Variants in WRN observed in about 807,000 individuals in gnomAD.
WRN encodes the protein bifunctional 3'-5' exonuclease/ATP-dependent helicase WRN.
A neutral mutation model predicts 180.7 loss-of-function variants in WRN; 149 were observed. The ratio of observed to expected loss-of-function variants is 0.82; its 90% CI spans 0.72 to 0.94. The LOEUF is 0.94. Among genes scored for constraint, WRN ranks in the 40% least tolerant of loss-of-function variants. The pLI, the probability that WRN is intolerant of heterozygous loss-of-function variation, is 0.00. For missense variants in WRN, 1,661 were observed against 1,700.1 expected (o/e 0.98, Z 0.40); for synonymous variants, 548 against 568.9 (o/e 0.96, Z 0.52).
intron 18 of WRN, among the ~76,000 whole-genome samples, chr8:31,105,522 C>T (rs1175948839): frequency 2.6e-5 from 4 of 152,210 alleles, no homozygotes; most frequent in East Asian, 1.9e-4. Flanking sequence ...AGTGCAATGG[C>T]GTGAACTCAC....
At chr8:31,151,241 A>C (rs1415098508) in intron 31 of WRN, among the ~76,000 whole-genome samples, 1 of 152,236 alleles carries the variant, frequency 6.6e-6, no homozygotes, top group Non-Finnish European at 1.5e-5. Flanking sequence ...ATTAGAAAAT[A>C]GAAGACATGG....
chr8:31,093,754 T>A (rs1470326716), intron 16 of WRN, among the ~76,000 whole-genome samples: 1 of 152,206 alleles, frequency 6.6e-6, no homozygotes, highest in Non-Finnish European at 1.5e-5. Context: ...AAGTTTACCT[T>A]TTTGTTTTAA....
intron 5 of WRN, among the ~76,000 whole-genome samples, chr8:31,065,878 C>CT (rs1201740447): frequency 0.074 from 9,645 of 130,606 alleles, 433 homozygotes; most frequent in African/African-American, 0.12. Flanking sequence ...AGTTTCTTTT[C>CT]TTTTTTTTTT....
intron 18 of WRN, among the ~76,000 whole-genome samples, chr8:31,104,033 C>T (rs186793307): frequency 8.5e-4 from 129 of 152,332 alleles, no homozygotes; most frequent in African/African-American, 2.8e-3. Flanking sequence ...TGCGCCCGGC[C>T]TTCAGAGATT....
Position 31,120,227 on chromosome 8 carries a change from TG to T in WRN, c.2449-15del, listed in dbSNP as rs779130824. On this transcript the variant is annotated splice_polypyrimidine_tract_variant and intron_variant, in intron 20 of 34. Coordinates refer to ENST00000298139, the MANE Select transcript of WRN (RefSeq NM_000553.6). ...GCTAAATATGTTTGTCAAACTGTGT[TG>T]TGATTTGTTCTCAGTGTGTCATAGC... 156 of 1,612,222 alleles carry T rather than the reference TG, an allele frequency of 9.7e-5. 2 individuals carry two copies. In the South Asian group the frequency reaches 1.6e-3, roughly 16 times the overall value.
chr8:31,059,030 T>G (rs1812382327), intron 2 of WRN, 123 bp from the exon 3 acceptor site: 1 of 798,324 alleles, frequency 1.3e-6, no homozygotes, highest in East Asian at 2.6e-5. Flanking sequence ...CATTAGTTTA[T>G]AAAACATTAA....
chr8:31,094,041 C>T lies in WRN; in HGVS notation c.1898+2143C>T, dbSNP rs936304615. ...GATCGTTTCCAGTTTTGGGTTATTA[C>T]AAATAAAACTGCTATGAACATTCGT... On this transcript the variant is annotated intron_variant, in intron 16 of 34. Transcript: ENST00000298139. Among the ~76,000 whole-genome samples the T allele has an allele frequency of 3.3e-5, 5 of 152,252 alleles. No homozygotes were observed. In the South Asian group the frequency reaches 1.0e-3, roughly 32 times the overall value.
At chr8:31,127,749 CA>C (rs1290704295) in intron 23 of WRN, among the ~76,000 whole-genome samples, 1 of 151,602 alleles carries the variant, frequency 6.6e-6, no homozygotes, top group Non-Finnish European at 1.5e-5. Context: ...TGTGTCTCTA[CA>C]AAAATAAAAA....
At chr8:31,062,742 A>C (rs1812536555) in intron 3 of WRN, among the ~76,000 whole-genome samples, 1 of 152,176 alleles carries the variant, frequency 6.6e-6, no homozygotes, top group Admixed American at 6.5e-5. Context: ...TTAAGAAATG[A>C]AACAGTAAAA....
chr8:31,172,042 CA>C (rs1804118648), intron 34 of WRN, among the ~76,000 whole-genome samples: 2 of 152,078 alleles, frequency 1.3e-5, no homozygotes, highest in South Asian at 4.1e-4. Flanking sequence ...TCTGAGATAA[CA>C]TAAGTGTATG....
chr8:31,090,673 A>G, intron 14 of WRN, 141 bp downstream of exon 14: 2 of 1,071,244 alleles, frequency 1.9e-6, no homozygotes, highest in Non-Finnish European at 1.4e-6. Flanking sequence ...AACAAAGAAC[A>G]GATGCTCAGA....
At chr8:31,114,538 G>A (rs1760706916) in intron 19 of WRN, among the ~76,000 whole-genome samples, 1 of 152,088 alleles carries the variant, frequency 6.6e-6, no homozygotes, top group Non-Finnish European at 1.5e-5. Context: ...AGAGTGATAT[G>A]TAGTCAATAT....
intron 8 of WRN, among the ~76,000 whole-genome samples, chr8:31,080,171 G>A (rs1160768088): frequency 1.3e-5 from 2 of 152,134 alleles, no homozygotes; most frequent in East Asian, 1.9e-4. Flanking sequence ...ATGAACCACC[G>A]TGCCCGCCCC....
intron 28 of WRN, among the ~76,000 whole-genome samples, chr8:31,145,098 G>A (rs957980165): frequency 6.6e-6 from 1 of 152,226 alleles, no homozygotes; most frequent in Non-Finnish European, 1.5e-5. Flanking sequence ...GCAAGTGCTG[G>A]TATAGAAGCT....
chr8:31,165,097 G>A (rs1288991061), intron 33 of WRN, among the ~76,000 whole-genome samples: 1 of 151,958 alleles, frequency 6.6e-6, no homozygotes. Flanking sequence ...ATCATTTTAT[G>A]AACAAAAGAC....
intron 7 of WRN, among the ~76,000 whole-genome samples, chr8:31,073,354 G>C (rs1812979503): frequency 6.6e-6 from 1 of 152,162 alleles, no homozygotes; most frequent in African/African-American, 2.4e-5. Context: ...TTCCCTGTAA[G>C]GGGTGAGATG....
At chr8:31,159,213 G>T (rs1803510408) in intron 33 of WRN, among the ~76,000 whole-genome samples, 1 of 151,838 alleles carries the variant, frequency 6.6e-6, no homozygotes, top group African/African-American at 2.4e-5. Context: ...GTCAGGAGGA[G>T]TGCTTGAGCT....
intron 24 of WRN, among the ~76,000 whole-genome samples, chr8:31,133,889 C>T (rs903695873): frequency 6.6e-6 from 1 of 152,002 alleles, no homozygotes; most frequent in Non-Finnish European, 1.5e-5. Context: ...TGGTGTAATC[C>T]AGCCATATCC....
chr8:31,161,253 C>T (rs544570027), intron 33 of WRN, among the ~76,000 whole-genome samples: 1 of 152,200 alleles, frequency 6.6e-6, no homozygotes, highest in South Asian at 2.1e-4. Context: ...TTAATATTGC[C>T]TCTCTTATAG....
Sources: allele counts gnomAD v4.1 joint callset (sites outside exome capture counted in the v4.1 genomes callset), GRCh38; gene constraint gnomAD v4.1.1; transcripts MANE v1.5; gene names NCBI Gene and HGNC (gene_info 2026-07-23, HGNC 2026-07-21).